AKAP8L: variants seen among roughly 807,000 people sequenced by gnomAD.
AKAP8L encodes A-kinase anchor protein 8-like.
A neutral mutation model predicts 77.5 loss-of-function variants in AKAP8L; 34 were observed. The observed-to-expected ratio is 0.44, with a 90% CI of 0.33 to 0.58. The LOEUF is 0.58. Ranked by LOEUF, AKAP8L falls within the 20% of genes least tolerant of loss-of-function variation. AKAP8L has a pLI of 0.02. For missense variants in AKAP8L, 806 were observed against 887.6 expected, an observed-to-expected ratio of 0.91 and a Z score of 1.17; for synonymous variants, 342 against 340.7, an observed-to-expected ratio of 1.00 and a Z score of -0.04.
chr19:15,415,257 A>T (rs1437479529), intron 1 of AKAP8L, among the ~76,000 whole-genome samples: 1 of 151,746 alleles, frequency 6.6e-6, no homozygotes, highest in Non-Finnish European at 1.5e-5. Flanking sequence ...ACATAGTGAG[A>T]CCTCATCTCA....
chr19:15,381,234 A>AT (rs1967408678), intron 12 of AKAP8L: 1 of 153,088 alleles, frequency 6.5e-6, no homozygotes, highest in South Asian at 2.0e-4. Flanking sequence ...AACTGGAAAC[A>AT]TGCGTGCACA....
intron 12 of AKAP8L, among the ~76,000 whole-genome samples, chr19:15,387,593 G>C (rs1967566391): frequency 6.6e-6 from 1 of 152,050 alleles, no homozygotes; most frequent in Non-Finnish European, 1.5e-5. Flanking sequence ...TTACCAAAGA[G>C]GACAAGGACC....
In AKAP8L at chr19:15,397,204, C is replaced by T; in HGVS notation, c.1482G>A (p.Gln494=). 6.2e-7 allele frequency: 1 copy of T among 1,614,050 alleles called. No homozygotes were observed. The change falls in exon 12 of 14, where the codon CAG becomes CAA. Residue 494 remains glutamine, a synonymous_variant. Transcript: ENST00000397410. The surrounding 1 kb of genome is among the most constrained non-coding windows in gnomAD (Gnocchi z 4.7). ...CAACDLFIPM[Q]FGIIQKHLKT... The stretch of plus-strand genomic sequence containing the variant: ...TCAGATGCTTCTGGATGATCCCAAA[C>T]TGCATGGGAATGAAGAGGTCGCAGG...
At chr19:15,381,015 A>C (rs1967401990) in intron 12 of AKAP8L, 1 of 174,822 alleles carries the variant, frequency 5.7e-6, no homozygotes, top group African/African-American at 2.4e-5. Context: ...ATATAAAAAC[A>C]GGAACAGATA....
Position 15,399,429 on chromosome 19 carries a change from A to G in AKAP8L, c.1049-19T>C, listed in dbSNP as rs1020662448. On this transcript the variant is annotated intron_variant, in intron 8 of 13. Transcript: ENST00000397410. The surrounding 1 kb of genome is among the most constrained non-coding windows in gnomAD (Gnocchi z 6.1). ...AGGGCCCCTGTGGGAGCAGATGGGC[A>G]CTGTCACCAATTTGGCTCTGCCAGG... 2 of 1,591,188 alleles carry G rather than the reference A, an allele frequency of 1.3e-6. No individual in the cohort carries two copies. Among genetic ancestry groups the G allele is most frequent in the Non-Finnish European group, 1.7e-6 (2 of 1,159,444 alleles).
At chr19:15,393,903 CAAAA>C (rs35729766) in intron 12 of AKAP8L, among the ~76,000 whole-genome samples, 9 of 96,426 alleles carry the variant, frequency 9.3e-5, no homozygotes, top group Non-Finnish European at 1.5e-4. Context: ...ATCTCTGTCT[CAAAA>C]AAAAAAAAAA....
rs1271329984 is a variant in AKAP8L at position 15,397,671 on chromosome 19, G to C, written c.1299+43C>G. On this transcript the variant is annotated intron_variant, in intron 10 of 13. Transcript: ENST00000397410. This position sits in a 1 kb window ranked among gnomAD's most constrained non-coding sequence, Gnocchi z 4.7. ...CATGTGGGCCGCCTTATGTTCTCAGGGGTCCAAGAAACTAAGAGCGGCTGT... is the reference window on the plus strand; with the variant it reads ...CATGTGGGCCGCCTTATGTTCTCAGCGGTCCAAGAAACTAAGAGCGGCTGT... 1 of 1,613,952 alleles carries C rather than the reference G, an allele frequency of 6.2e-7. No homozygotes were observed.
rs1201511969 is a variant in AKAP8L at position 15,403,329 on chromosome 19, T to A, written c.362+146A>T. On this transcript the variant is annotated intron_variant, in intron 4 of 13. Transcript: ENST00000397410. This position sits in a 1 kb window ranked among gnomAD's most constrained non-coding sequence, Gnocchi z 4.3. ...GGAGACACAAGTCAGAGACGGGAAG[T>A]GCAACGGACCCTGCTGGGAGCCACA... 6.9e-6 allele frequency: 5 copies of A among 723,530 alleles called. No homozygotes were observed. The highest frequency in any genetic ancestry group is 1.2e-5 in the Non-Finnish European group (5 of 427,440). 44.8% of individuals were successfully genotyped at this position (723,530 alleles called of 1,614,324 possible). A position where few individuals can be genotyped will look rare whatever the true frequency, so the allele number is the denominator to read the frequency against.
At chr19:15,385,345 C>G (rs1967511732) in intron 12 of AKAP8L, among the ~76,000 whole-genome samples, 1 of 149,828 alleles carries the variant, frequency 6.7e-6, no homozygotes, top group South Asian at 2.1e-4. Flanking sequence ...CCACGTCTGG[C>G]TAATTTTTTG....
intron 1 of AKAP8L, among the ~76,000 whole-genome samples, chr19:15,411,289 C>T (rs1440321440): frequency 6.6e-6 from 1 of 152,214 alleles, no homozygotes; most frequent in Non-Finnish European, 1.5e-5. Flanking sequence ...ATACCCCCCT[C>T]CCTGTTCTAA....
In AKAP8L at chr19:15,398,470, G is replaced by A; in HGVS notation, c.1158-615C>T. 1 of 617,568 alleles carries A rather than the reference G, an allele frequency of 1.6e-6. No homozygotes were observed. Among genetic ancestry groups the A allele is most frequent in the Non-Finnish European group, 2.0e-6 (1 of 493,066 alleles). The allele number at this position is 617,568 out of a possible 1,614,324, so 38.3% of individuals were successfully genotyped here. A position where few individuals can be genotyped will look rare whatever the true frequency, so the allele number is the denominator to read the frequency against. ...GAGCTGGAAGGAGGGCGCCCGCTCG[G>A]CCTGCCAGAGGGCAGCCTGGAGTCA... On this transcript the variant is annotated intron_variant, in intron 9 of 13. Coordinates refer to ENST00000397410, the MANE Select transcript of AKAP8L (RefSeq NM_014371.4). The surrounding 1 kb of genome is among the most constrained non-coding windows in gnomAD (Gnocchi z 9.2).
Position 15,399,026 on chromosome 19 carries a change from G to T in AKAP8L, c.1157+276C>A. On this transcript the variant is annotated intron_variant, in intron 9 of 13. Coordinates refer to ENST00000397410, the MANE Select transcript of AKAP8L (RefSeq NM_014371.4). The surrounding 1 kb of genome is among the most constrained non-coding windows in gnomAD (Gnocchi z 6.1). ...CAGTGCACCTTGGGGTTCGTGCGCC[G>T]AGTGACCTAGCGCCAGAGCTTCTGA... is the stretch of plus-strand genomic sequence containing the variant. 1 of 470,546 alleles carries T rather than the reference G, an allele frequency of 2.1e-6. No homozygotes were observed. Among genetic ancestry groups the T allele is most frequent in the Non-Finnish European group, 3.9e-6 (1 of 258,352 alleles). 29.1% of individuals were successfully genotyped at this position (470,546 alleles called of 1,614,324 possible).
intron 12 of AKAP8L, among the ~76,000 whole-genome samples, chr19:15,385,762 TTTTTTA>T (rs1260986084): frequency 1.0e-4 from 15 of 150,312 alleles, no homozygotes; most frequent in Admixed American, 9.9e-4. Context: ...CCTGGCTAAT[TTTTTTA>T]TTTTTAATTT....
intron 4 of AKAP8L, among the ~76,000 whole-genome samples, chr19:15,402,599 A>C (rs1204981109): frequency 6.6e-6 from 1 of 152,204 alleles, no homozygotes; most frequent in African/African-American, 2.4e-5. Flanking sequence ...CCATGGCATC[A>C]AATCCCCTTG....
At position 15,403,273 on chromosome 19, in the gene AKAP8L, G is replaced by A; in HGVS notation, c.362+202C>T. The A allele has an allele frequency of 1.7e-6, 1 of 589,768 alleles. No individual in the cohort carries two copies. The highest frequency in any genetic ancestry group is 2.0e-5 in the South Asian group (1 of 50,942). 36.5% of individuals were successfully genotyped at this position (589,768 alleles called of 1,614,324 possible). On this transcript the variant is annotated intron_variant, in intron 4 of 13. Coordinates refer to ENST00000397410, the MANE Select transcript of AKAP8L (RefSeq NM_014371.4). The surrounding 1 kb of genome is among the most constrained non-coding windows in gnomAD (Gnocchi z 4.3). ...CAAGCTGGGAAAGGCTGACCACCAGGCAGTGCGGCAGGGGTTGAGGGTGGG... is the reference window on the plus strand; with the variant it reads ...CAAGCTGGGAAAGGCTGACCACCAGACAGTGCGGCAGGGGTTGAGGGTGGG...
At position 15,385,867 on chromosome 19, in the gene AKAP8L, G is replaced by A. The variant is rs563610252; in HGVS notation, c.1537-5255C>T. On this transcript the variant is annotated intron_variant, in intron 12 of 13. Coordinates refer to ENST00000397410, the MANE Select transcript of AKAP8L (RefSeq NM_014371.4). ...TCCCACCTCAGTCTCCCCAAGTGCTGGGATTACAGGTATAAGCCACTATAT... is the reference window on the plus strand; with the variant it reads ...TCCCACCTCAGTCTCCCCAAGTGCTAGGATTACAGGTATAAGCCACTATAT... Among the ~76,000 whole-genome samples, 3 of 151,896 alleles carry A rather than the reference G, an allele frequency of 2.0e-5. No homozygotes were observed. In the East Asian group the frequency reaches 5.8e-4, roughly 29 times the overall value.
At chr19:15,380,726 A>C (rs948155042) in intron 12 of AKAP8L, 114 bp from the exon 13 acceptor site, 4 of 877,604 alleles carry the variant, frequency 4.6e-6, no homozygotes, top group Non-Finnish European at 7.2e-6. Context: ...ACGCACTTCC[A>C]GCCCCACCAA....
chr19:15,383,908 C>G (rs1160513147), intron 12 of AKAP8L: 1 of 149,588 alleles, frequency 6.7e-6, no homozygotes, highest in East Asian at 1.9e-4. Flanking sequence ...AACATTCCTC[C>G]ATTCATTAAG....
chr19:15,396,730 C>T (rs1967785033), intron 12 of AKAP8L, among the ~76,000 whole-genome samples: 1 of 152,182 alleles, frequency 6.6e-6, no homozygotes, highest in South Asian at 2.1e-4. Flanking sequence ...GGCCTGAAGT[C>T]TCTAGTTCAA....
Sources: gnomAD v4.1 joint callset for allele counts (sites outside exome capture counted in the v4.1 genomes callset) on GRCh38, gnomAD v4.1.1 for gene constraint, Gnocchi (gnomAD v3.1) non-coding constraint, MANE v1.5 for transcripts, NCBI Gene and HGNC (gene_info 2026-07-23, HGNC 2026-07-21) for gene names.